KDM5A: variants seen among roughly 807,000 people sequenced by gnomAD.
The protein encoded by KDM5A is lysine demethylase 5A.
A neutral mutation model predicts 193.5 loss-of-function variants in KDM5A; 42 were observed. The ratio of observed to expected loss-of-function variants is 0.22; its 90% CI spans 0.17 to 0.28. KDM5A has a LOEUF of 0.28. KDM5A is among the 10% of genes least tolerant of loss of function. The pLI is 1.00. For missense variants in KDM5A, 1,692 were observed against 2,055.1 expected (o/e 0.82, Z 3.42); for synonymous variants, 796 against 718.1 (o/e 1.11, Z -1.73).
chr12:315,744 T>C (rs1418165428), intron 19 of KDM5A, among the ~76,000 whole-genome samples: 1 of 152,168 alleles, frequency 6.6e-6, no homozygotes, highest in African/African-American at 2.4e-5. Flanking sequence ...CCAAAGTACC[T>C]GCTTGTTCAA....
At chr12:296,901 C>T in intron 25 of KDM5A, 140 bp downstream of exon 25, 1 of 858,240 alleles carries the variant, frequency 1.2e-6, no homozygotes, top group African/African-American at 1.7e-5. Context: ...CAAAAGAAAA[C>T]AGCATTTTCA....
At chr12:355,059 C>T (rs770800025) in intron 7 of KDM5A, 99 bp downstream of exon 7, 16 of 789,426 alleles carry the variant, frequency 2.0e-5, no homozygotes, top group Non-Finnish European at 3.6e-5. Context: ...TCTAACCAAA[C>T]GAGCTAACTA....
chr12:314,516 TGAA>T (rs1003124499), intron 19 of KDM5A, among the ~76,000 whole-genome samples: 15 of 151,304 alleles, frequency 9.9e-5, no homozygotes, highest in African/African-American at 3.4e-4. Context: ...TTTAATCTTA[TGAA>T]GATTATTCAT....
chr12:337,278 C>T (rs369636985), intron 10 of KDM5A, among the ~76,000 whole-genome samples: 3 of 152,266 alleles, frequency 2.0e-5, no homozygotes, highest in African/African-American at 7.2e-5. Context: ...TTATAAATTA[C>T]CCAGCCTCGA....
chr12:340,424 A>G (rs1438521496), intron 10 of KDM5A, among the ~76,000 whole-genome samples: 2 of 152,034 alleles, frequency 1.3e-5, no homozygotes, highest in Admixed American at 1.3e-4. Context: ...AGTCGGGCAC[A>G]GTGGCTCACG....
At chr12:323,238 A>AAAAT in intron 15 of KDM5A, 32 bp from the exon 16 acceptor site, 1 of 1,489,778 alleles carries the variant, frequency 6.7e-7, no homozygotes, top group South Asian at 1.3e-5. Context: ...AAAAAAAAAA[A>AAAAT]AGAAAACAGA....
rs186176056 is a variant in KDM5A, at chr12:283,361, T to C, written c.*2095A>G. Reference sequence around the variant, plus strand: ...TTAATTAGTTACCTTGCAATATCCATTGAAATCTTCGATCATACACAAACT... The same window carrying C: ...TTAATTAGTTACCTTGCAATATCCACTGAAATCTTCGATCATACACAAACT... On this transcript the variant is annotated 3_prime_UTR_variant, in exon 28 of 28. Transcript: ENST00000399788. The C allele has an allele frequency of 2.0e-4, 47 of 232,578 alleles. No individual in the cohort carries two copies. Among genetic ancestry groups the C allele is most frequent in the African/African-American group, 8.4e-4 (38 of 45,410 alleles). The allele number at this position is 232,578 out of a possible 1,614,324, so 14.4% of individuals were successfully genotyped here.
At chr12:323,458 G>A in intron 15 of KDM5A, 142 bp downstream of exon 15, 1 of 946,200 alleles carries the variant, frequency 1.1e-6, no homozygotes, top group South Asian at 1.6e-5. Flanking sequence ...CAACTTTAAG[G>A]GACTGGTCTT....
chr12:307,163 T>C lies in KDM5A; in HGVS notation c.3931-74A>G. ...CAGGGTAATTAATGTGTGCTTAAGA[T>C]CACCAAAATGTAATGAATAAGCAAA... On this transcript the variant is annotated intron_variant, in intron 23 of 27. Coordinates refer to ENST00000399788, the MANE Select transcript of KDM5A (RefSeq NM_001042603.3). The surrounding 1 kb of genome is among the most constrained non-coding windows in gnomAD (Gnocchi z 4.3). 1 of 1,561,016 alleles carries C rather than the reference T, an allele frequency of 6.4e-7. No individual in the cohort carries two copies. The highest frequency in any genetic ancestry group is 8.8e-7 in the Non-Finnish European group (1 of 1,134,536).
At chr12:380,339 CAGAG>C (rs1171093591) in intron 3 of KDM5A, among the ~76,000 whole-genome samples, 1 of 151,698 alleles carries the variant, frequency 6.6e-6, no homozygotes, top group Admixed American at 6.6e-5. Context: ...AAATCACTGA[CAGAG>C]AAAGTTTCAA....
intron 3 of KDM5A, among the ~76,000 whole-genome samples, chr12:371,992 G>A (rs1206134006): frequency 6.6e-6 from 1 of 152,092 alleles, no homozygotes; most frequent in Non-Finnish European, 1.5e-5. Flanking sequence ...TGCTGTTTTG[G>A]TTACTGTAGC....
intron 13 of KDM5A, 127 bp from the exon 14 acceptor site, chr12:329,156 A>G (rs1943831391): frequency 3.8e-6 from 3 of 785,412 alleles, no homozygotes; most frequent in Non-Finnish European, 6.5e-6. Context: ...TTAAATATAA[A>G]GAGGCAATAT....
Position 281,027 on chromosome 12 carries a change from G to T in KDM5A, c.*4429C>A. On this transcript the variant is annotated 3_prime_UTR_variant, in exon 28 of 28. Coordinates refer to ENST00000399788, the MANE Select transcript of KDM5A (RefSeq NM_001042603.3). ...TCATTATCAAAATGTACTTTTGCTT[G>T]GTTACCATTTAAAGTTGCCACCAAT... is the stretch of plus-strand genomic sequence containing the variant. 1 of 232,924 alleles carries T rather than the reference G, an allele frequency of 4.3e-6. No homozygotes were observed. The highest frequency in any genetic ancestry group is 8.5e-6 in the Non-Finnish European group (1 of 117,866). The allele number at this position is 232,924 out of a possible 1,614,324, so 14.4% of individuals were successfully genotyped here.
chr12:322,047 A>C (rs1346748957), intron 17 of KDM5A, among the ~76,000 whole-genome samples: 1 of 152,198 alleles, frequency 6.6e-6, no homozygotes, highest in East Asian at 1.9e-4. Context: ...GCAATTTTAT[A>C]AAGGCTTGTC....
In KDM5A at chr12:318,423, A is replaced by G; in HGVS notation, c.2580T>C (p.Ala860=). 6.2e-7 allele frequency: 1 copy of G among 1,614,078 alleles called. No homozygotes were observed. The change falls in exon 19 of 28, where the codon GCT becomes GCC. Residue 860 remains alanine (A), a synonymous_variant. Transcript: ENST00000399788. ...LDDVEEFHER[A]QEAMMDETPD... Reference sequence around the variant, plus strand: ...GGGTTTCATCCATCATGGCCTCCTGAGCACGTTCATGAAACTCTTCCACAT... The same window carrying G: ...GGGTTTCATCCATCATGGCCTCCTGGGCACGTTCATGAAACTCTTCCACAT...
At chr12:349,654 CA>C (rs1258962269) in intron 10 of KDM5A, among the ~76,000 whole-genome samples, 1 of 151,050 alleles carries the variant, frequency 6.6e-6, no homozygotes, top group East Asian at 1.9e-4. Flanking sequence ...AAGAACTAGG[CA>C]AAAATATTAA....
chr12:360,696 G>A (rs1236885764), intron 5 of KDM5A, among the ~76,000 whole-genome samples: 2 of 152,214 alleles, frequency 1.3e-5, no homozygotes, highest in African/African-American at 4.8e-5. Flanking sequence ...TGAGGAAACT[G>A]AGACAATAAA....
chr12:374,959 G>A (rs1319194746), intron 3 of KDM5A, among the ~76,000 whole-genome samples: 3 of 152,026 alleles, frequency 2.0e-5, no homozygotes, highest in African/African-American at 4.8e-5. Flanking sequence ...TTAGTCTGAT[G>A]GGCTTCCCTT....
At chr12:310,122 T>C (rs1383453544) in intron 21 of KDM5A, among the ~76,000 whole-genome samples, 158 bp from the exon 22 acceptor site, 1 of 152,166 alleles carries the variant, frequency 6.6e-6, no homozygotes, top group African/African-American at 2.4e-5. Context: ...AACAACCCTA[T>C]GTAGTAGGTA....
Sources: gnomAD v4.1 joint callset for allele counts (sites outside exome capture counted in the v4.1 genomes callset) on GRCh38, gnomAD v4.1.1 for gene constraint, Gnocchi (gnomAD v3.1) non-coding constraint, MANE v1.5 for transcripts, NCBI Gene and HGNC (gene_info 2026-07-23, HGNC 2026-07-21) for gene names.